Variants in FLNC observed in about 807,000 individuals in gnomAD.
The protein encoded by FLNC is filamin-C.
Under a neutral mutation model 254.3 loss-of-function variants are expected in FLNC, and 91 were observed. That is an observed-to-expected ratio of 0.36 (90% confidence interval 0.30 to 0.43). The LOEUF is 0.43. FLNC is among the 20% of genes least tolerant of loss of function. The probability of loss-of-function intolerance (pLI) is 1.00; values close to 1 mark genes in which losing one functional copy is unlikely to be tolerated. For missense variants in FLNC, 2,853 were observed against 3,802.6 expected, an observed-to-expected ratio of 0.75 and a Z score of 6.57; for synonymous variants, 1,430 against 1,577.2, an observed-to-expected ratio of 0.91 and a Z score of 2.21.
Position 128,853,503 on chromosome 7 carries a change from A to C in FLNC, c.6243A>C (p.Pro2081=). The part of the protein sequence containing the change: ...YGGLGLSIEG[P]SKVDINCEDM... ...GCTTGGGGCTGAGTATTGAAGGCCC[A>C]AGCAAGGTGGACATCAACTGTGAGG... The change falls in exon 38 of 48, where the codon CCA becomes CCC. Residue 2081 remains proline (P), a synonymous_variant. Coordinates refer to ENST00000325888, the MANE Select transcript of FLNC (RefSeq NM_001458.5). 1 of 1,614,030 alleles carries C rather than the reference A, an allele frequency of 6.2e-7. No individual in the cohort carries two copies. Among genetic ancestry groups the C allele is most frequent in the Non-Finnish European group, 8.5e-7 (1 of 1,180,008 alleles).
chr7:128,837,282 G>T, intron 3 of FLNC, 25 bp downstream of exon 3: 1 of 1,562,302 alleles, frequency 6.4e-7, no homozygotes, highest in East Asian at 2.3e-5. Flanking sequence ...GGGGCAGGGG[G>T]GAAAGGGGGC....
chr7:128,838,378 C>T lies in FLNC; in HGVS notation c.1159C>T (p.Pro387Ser). 6.2e-7 allele frequency: 1 copy of T among 1,614,056 alleles called. No homozygotes were observed. Among genetic ancestry groups the T allele is most frequent in the Non-Finnish European group, 8.5e-7 (1 of 1,180,014 alleles). ...KVSARGPGLEPVGNVANKPTY... is the reference protein window; with the variant it reads ...KVSARGPGLESVGNVANKPTY... Reference sequence around the variant, plus strand: ...GTCAGCCCGTGGCCCTGGCCTGGAACCTGTGGGCAATGTGGCCAACAAACC... The same window carrying T: ...GTCAGCCCGTGGCCCTGGCCTGGAATCTGTGGGCAATGTGGCCAACAAACC... Residue 387 changes from proline to serine, a missense_variant, in exon 7 of 48, where the codon CCT (proline) becomes TCT (serine). Physicochemically the swap from Pro to Ser is moderately conservative, Grantham distance 74. Around this residue, in one of 10 missense-constraint regions of FLNC, gnomAD observed 1,573 missense variants for 1,883.5 expected, o/e 0.84. Transcript: ENST00000325888.
chr7:128,853,734 G>C lies in FLNC; in HGVS notation c.6381G>C (p.Lys2127Asn). 1.2e-6 allele frequency: 2 copies of C among 1,613,920 alleles called. No individual in the cohort carries two copies. The highest frequency in any genetic ancestry group is 1.7e-6 in the Non-Finnish European group (2 of 1,180,038). The change falls in exon 39 of 48, where the codon AAG (lysine) becomes AAC (asparagine). Residue 2127 changes from lysine to asparagine, a missense_variant. Lys to Asn is a moderately conservative substitution (Grantham distance 94). Around this residue, in one of 10 missense-constraint regions of FLNC, gnomAD observed 551 missense variants for 835.0 expected, o/e 0.66. Transcript: ENST00000325888. ...CTTCAGGAAGCCCCTTCACTGTGAA[G>C]GTGACCGGCGAGGGCCGCATGAAGG... is the stretch of plus-strand genomic sequence containing the variant. Reference protein sequence around the residue: ...KHVPGSPFTVKVTGEGRMKES... With the variant: ...KHVPGSPFTVNVTGEGRMKES...
In FLNC at chr7:128,844,058, G is replaced by A. The variant is rs1808452430; in HGVS notation, c.2984G>A (p.Gly995Asp). 2 of 1,614,084 alleles carry A rather than the reference G, an allele frequency of 1.2e-6. No individual in the cohort carries two copies. The highest frequency in any genetic ancestry group is 1.7e-6 in the Non-Finnish European group (2 of 1,180,048). The change falls in exon 20 of 48, where the codon GGT becomes GAT. Residue 995 changes from glycine to aspartate, a missense_variant. Around this residue, in one of 10 missense-constraint regions of FLNC, gnomAD observed 1,573 missense variants for 1,883.5 expected, o/e 0.84. Coordinates refer to ENST00000325888, the MANE Select transcript of FLNC (RefSeq NM_001458.5). ...TCTGTGAACACACGAGGGGCTGGCGGTCAGGGCCAACTGGATGTGCGGATG... is the reference window on the plus strand; with the variant it reads ...TCTGTGAACACACGAGGGGCTGGCGATCAGGGCCAACTGGATGTGCGGATG... ...AFSVNTRGAG[G>D]QGQLDVRMTS...
At position 128,840,939 on chromosome 7, in the gene FLNC, G is replaced by A. The variant is rs1317106205; in HGVS notation, c.1782G>A (p.Val594=). Residue 594 remains valine, a synonymous_variant, in exon 11 of 48, where the codon GTG becomes GTA. Coordinates refer to ENST00000325888, the MANE Select transcript of FLNC (RefSeq NM_001458.5). ...TGGGCAAGTCAGCCGATTTTGTGGT[G>A]GAAGCCATTGGCACCGAGGTGGGGA... ...GQVGKSADFV[V]EAIGTEVGTL... 1.9e-6 allele frequency: 3 copies of A among 1,605,986 alleles called. No homozygotes were observed. The highest frequency in any genetic ancestry group is 2.6e-6 in the Non-Finnish European group (3 of 1,176,250).
intron 1 of FLNC, among the ~76,000 whole-genome samples, chr7:128,832,702 C>T (rs1430113801): frequency 6.6e-6 from 1 of 152,202 alleles, no homozygotes; most frequent in Non-Finnish European, 1.5e-5. Flanking sequence ...TCCCTGGTTC[C>T]CGCTGGGAGG....
Position 128,849,319 on chromosome 7 carries a change from C to T in FLNC, c.4952-12C>T. On this transcript the variant is annotated splice_polypyrimidine_tract_variant and intron_variant, in intron 29 of 47. Coordinates refer to ENST00000325888, the MANE Select transcript of FLNC (RefSeq NM_001458.5). ...CCCACCAGCTCCCTGAGCAGGATCTCCCGCATGGCAGGTGCCTGCCTGGGC... is the reference window on the plus strand; with the variant it reads ...CCCACCAGCTCCCTGAGCAGGATCTTCCGCATGGCAGGTGCCTGCCTGGGC... 7 of 1,614,106 alleles carry T rather than the reference C, an allele frequency of 4.3e-6. No individual in the cohort carries two copies. Among genetic ancestry groups the T allele is most frequent in the Non-Finnish European group, 5.9e-6 (7 of 1,180,040 alleles).
At chr7:128,837,829 A>G in intron 5 of FLNC, 74 bp downstream of exon 5, 1 of 1,433,552 alleles carries the variant, frequency 7.0e-7, no homozygotes, top group Non-Finnish European at 9.6e-7. Context: ...AACAACAGGA[A>G]TGGCCCGGAG....
At position 128,854,128 on chromosome 7, in the gene FLNC, C is replaced by T. The variant is rs747628268; in HGVS notation, c.6639C>T (p.Val2213=). ...REVRVEESTQ[V]GGDPFPAVFG... ...TGCGGGTGGAGGAGTCCACCCAGGT[C>T]GGCGGGGACCCCTTCCCTGCTGTGT... The change falls in exon 40 of 48, where the codon GTC becomes GTT. Residue 2213 remains valine, a synonymous_variant. Transcript: ENST00000325888. 54 of 1,612,632 alleles carry T rather than the reference C, an allele frequency of 3.3e-5. No homozygotes were observed. The highest frequency in any genetic ancestry group is 4.1e-5 in the Non-Finnish European group (48 of 1,179,856).
chr7:128,841,141 ATCCCCGACCC>A lies in FLNC; in HGVS notation c.1814-23_1814-14del. ...ACGGAAGGGTCTTGCCTGATGCTGG[ATCCCCGACCC>A]TCCCCCACCTTGCCCCAGGCTTCTC... On this transcript the variant is annotated intron_variant, in intron 11 of 47. Transcript: ENST00000325888. This position sits in a 1 kb window ranked among gnomAD's most constrained non-coding sequence, Gnocchi z 4.3. 1.9e-6 allele frequency: 3 copies of A among 1,610,680 alleles called. No homozygotes were observed. Among genetic ancestry groups the A allele is most frequent in the Non-Finnish European group, 2.5e-6 (3 of 1,178,804 alleles).
rs1241573413 is a variant in FLNC at position 128,840,873 on chromosome 7, A to G, written c.1716A>G (p.Gln572=). 1 of 1,613,998 alleles carries G rather than the reference A, an allele frequency of 6.2e-7. No homozygotes were observed. The highest frequency in any genetic ancestry group is 2.2e-5 in the East Asian group (1 of 44,878). The change falls in exon 11 of 48, where the codon CAA becomes CAG. Residue 572 remains glutamine, a synonymous_variant. Coordinates refer to ENST00000325888, the MANE Select transcript of FLNC (RefSeq NM_001458.5). ...EVQVSPEAGV[Q]KVRAWGPGLE... The stretch of plus-strand genomic sequence containing the variant: ...AGGTGAGCCCAGAGGCAGGAGTGCA[A>G]AAGGTCCGGGCCTGGGGTCCTGGTT...
rs368729011 is a variant in FLNC at position 128,846,472 on chromosome 7, C to T, written c.4127+9C>T. On this transcript the variant is annotated intron_variant, in intron 23 of 47. Transcript: ENST00000325888. The stretch of plus-strand genomic sequence containing the variant: ...TTCACTGTGGAGACCAGGTATCCTC[C>T]CCCTTTGCTAGCCTAAATCTGTGAC... 233 of 1,600,216 alleles carry T rather than the reference C, an allele frequency of 1.5e-4. 1 individual carries two copies. Among genetic ancestry groups the T allele is most frequent in the Non-Finnish European group, 1.8e-4 (211 of 1,179,834 alleles).
chr7:128,847,007 A>C, intron 24 of FLNC, 102 bp downstream of exon 24: 1 of 1,460,080 alleles, frequency 6.8e-7, no homozygotes, highest in East Asian at 2.3e-5. Context: ...AAGAATGTTC[A>C]TAGAGAGGAC....
Position 128,830,414 on chromosome 7 carries a change from C to G in FLNC, c.-224C>G, listed in dbSNP as rs1807835704. The G allele has an allele frequency of 1.2e-5, 7 of 573,844 alleles. No homozygotes were observed. The highest frequency in any genetic ancestry group is 4.2e-5 in the South Asian group (2 of 47,644). 35.5% of individuals were successfully genotyped at this position (573,844 alleles called of 1,614,324 possible). ...CCGCCCCGGCCCAGCCCGCCCTTCC[C>G]GAGCACCGCTCCGGCCCTGGAGGGA... On this transcript the variant is annotated 5_prime_UTR_variant, in exon 1 of 48. Transcript: ENST00000325888.
Position 128,855,328 on chromosome 7 carries a change from GT to G in FLNC, c.7251+15del. 1 of 1,548,902 alleles carries G rather than the reference GT, an allele frequency of 6.5e-7. No individual in the cohort carries two copies. Among genetic ancestry groups the G allele is most frequent in the Non-Finnish European group, 8.9e-7 (1 of 1,122,188 alleles). Reference sequence around the variant, plus strand: ...ACCAGCCTCCAGGTTTGTGCCCAGGGTGGGGGTGGAGGGTTTCTGCTATCTG... The same window carrying G: ...ACCAGCCTCCAGGTTTGTGCCCAGGGGGGGGTGGAGGGTTTCTGCTATCTG... On this transcript the variant is annotated intron_variant, in intron 43 of 47. Coordinates refer to ENST00000325888, the MANE Select transcript of FLNC (RefSeq NM_001458.5).
chr7:128,847,566 A>C, intron 24 of FLNC, 131 bp from the exon 25 acceptor site: 1 of 1,019,760 alleles, frequency 9.8e-7, no homozygotes, highest in Non-Finnish European at 1.5e-6. Flanking sequence ...GTTCCTAGCC[A>C]TTTTCCCATG....
At position 128,830,860 on chromosome 7, in the gene FLNC, G is replaced by A. The variant is rs781159368; in HGVS notation, c.223G>A (p.Glu75Lys). The change falls in exon 1 of 48, where the codon GAG becomes AAG. Residue 75 changes from glutamate to lysine, a missense_variant. Physicochemically the swap from Glu to Lys is moderately conservative, Grantham distance 56. Around this residue, in one of 10 missense-constraint regions of FLNC, gnomAD observed 59 missense variants for 59.8 expected, o/e 0.99. Coordinates refer to ENST00000325888, the MANE Select transcript of FLNC (RefSeq NM_001458.5). ...SDGLRLIALL[E>K]VLSQKRMYRK... is the part of the protein sequence containing the mutation. ...CGGGCTCCGGCTCATCGCGCTGCTC[G>A]AGGTGCTCAGCCAGAAGCGCATGTA... is the stretch of plus-strand genomic sequence containing the variant. The A allele has an allele frequency of 6.2e-7, 1 of 1,613,162 alleles. No homozygotes were observed. The highest frequency in any genetic ancestry group is 1.1e-5 in the South Asian group (1 of 91,088).
At position 128,845,061 on chromosome 7, in the gene FLNC, A is replaced by G. The variant is rs868156063; in HGVS notation, c.3596A>G (p.Lys1199Arg). The G allele has an allele frequency of 6.2e-7, 1 of 1,613,882 alleles. No homozygotes were observed. Among genetic ancestry groups the G allele is most frequent in the Non-Finnish European group, 8.5e-7 (1 of 1,180,052 alleles). Residue 1199 changes from lysine to arginine, a missense_variant, in exon 21 of 48, where the codon AAG (lysine) becomes AGG (arginine). Transcript: ENST00000325888. ...TIEILSDAGV[K>R]AEVLIHNNAD... ...GAGATCCTGTCGGATGCCGGGGTCAAGGCCGAGGTGCTGATCCACAACAAC... is the reference window on the plus strand; with the variant it reads ...GAGATCCTGTCGGATGCCGGGGTCAGGGCCGAGGTGCTGATCCACAACAAC...
chr7:128,830,841 C>T lies in FLNC; in HGVS notation c.204C>T (p.Leu68=). Residue 68 remains leucine, a synonymous_variant, in exon 1 of 48, where the codon CTC becomes CTT. Coordinates refer to ENST00000325888, the MANE Select transcript of FLNC (RefSeq NM_001458.5). ...TDLQRDLSDG[L]RLIALLEVLS... Reference sequence around the variant, plus strand: ...TGCAGCGCGACCTCAGCGACGGGCTCCGGCTCATCGCGCTGCTCGAGGTGC... The same window carrying T: ...TGCAGCGCGACCTCAGCGACGGGCTTCGGCTCATCGCGCTGCTCGAGGTGC... The T allele has an allele frequency of 6.2e-7, 1 of 1,613,104 alleles. No homozygotes were observed. Among genetic ancestry groups the T allele is most frequent in the Non-Finnish European group, 8.5e-7 (1 of 1,179,962 alleles).
Sources: gnomAD v4.1 joint callset for allele counts (sites outside exome capture counted in the v4.1 genomes callset) on GRCh38, gnomAD v4.1.1 for gene constraint, gnomAD v4.1.1 regional missense constraint, Gnocchi (gnomAD v3.1) non-coding constraint, MANE v1.5 for transcripts, NCBI Gene and HGNC (gene_info 2026-07-23, HGNC 2026-07-21) for gene names.